Variants in ADK observed in about 807,000 individuals in gnomAD.
The protein encoded by ADK is adenosine kinase, also known as N6,N6-dimethyladenosine kinase.
A neutral mutation model predicts 44.7 loss-of-function variants in ADK; 24 were observed. The observed-to-expected ratio is 0.54, with a 90% CI of 0.39 to 0.76. The LOEUF (loss-of-function observed/expected upper bound fraction) is 0.76, where lower values mean the gene tolerates loss of function less well. Among genes scored for constraint, ADK ranks in the 30% least tolerant of loss-of-function variants. The pLI is 0.00. For missense variants in ADK, 321 were observed against 425.1 expected, an observed-to-expected ratio of 0.76 and a Z score of 2.15; for synonymous variants, 128 against 142.6, an observed-to-expected ratio of 0.90 and a Z score of 0.73.
intron 10 of ADK, among the ~76,000 whole-genome samples, chr10:74,703,198 C>T (rs1856492684): frequency 1.3e-5 from 2 of 152,000 alleles, no homozygotes; most frequent in Admixed American, 6.6e-5. Flanking sequence ...ATGGGATAAG[C>T]GCGTCAGACA....
intron 1 of ADK, chr10:74,176,880 C>T (rs1382169420): frequency 1.2e-6 from 2 of 1,609,916 alleles, no homozygotes; most frequent in African/African-American, 1.3e-5. Context: ...GCCATGACGT[C>T]AGTCAGGTAA....
intron 1 of ADK, among the ~76,000 whole-genome samples, chr10:74,185,867 A>C (rs1406814545): frequency 6.9e-6 from 1 of 145,898 alleles, no homozygotes; most frequent in East Asian, 2.1e-4. Flanking sequence ...AAAAAAAAAG[A>C]AACAGATCCT....
intron 7 of ADK, among the ~76,000 whole-genome samples, chr10:74,577,304 T>C (rs942097265): frequency 6.6e-6 from 1 of 152,126 alleles, no homozygotes; most frequent in African/African-American, 2.4e-5. Flanking sequence ...CCACTGGCCA[T>C]TGTGAAAAAT....
intron 3 of ADK, among the ~76,000 whole-genome samples, chr10:74,299,332 T>TAA (rs35091445): frequency 0.021 from 2,810 of 134,234 alleles, 65 homozygotes; most frequent in African/African-American, 0.052. Flanking sequence ...CATCTCTACT[T>TAA]AAAAAAAAAA....
intron 3 of ADK, among the ~76,000 whole-genome samples, chr10:74,253,769 T>TC (rs1294268956): frequency 2.0e-5 from 3 of 149,480 alleles, no homozygotes; most frequent in South Asian, 2.1e-4. Context: ...ACACTGCCTT[T>TC]TTTTTTTTTT....
At chr10:74,451,737 G>A (rs913921159) in intron 6 of ADK, among the ~76,000 whole-genome samples, 20 of 152,064 alleles carry the variant, frequency 1.3e-4, no homozygotes, top group African/African-American at 4.8e-4. Flanking sequence ...ATAAATGGAT[G>A]TAATTCATTC....
intron 4 of ADK, among the ~76,000 whole-genome samples, chr10:74,362,302 A>G (rs540646948): frequency 2.1e-5 from 3 of 146,186 alleles, no homozygotes; most frequent in Admixed American, 6.8e-5. Flanking sequence ...TTTTCTTTGA[A>G]CTCACTGATT....
chr10:74,668,104 T>C (rs905053777), intron 9 of ADK, among the ~76,000 whole-genome samples: 2 of 152,216 alleles, frequency 1.3e-5, no homozygotes, highest in African/African-American at 4.8e-5. Context: ...TAGTAATGGT[T>C]TCATTAACTT....
At chr10:74,444,301 T>TAGG (rs1845522171) in intron 6 of ADK, among the ~76,000 whole-genome samples, 1 of 152,170 alleles carries the variant, frequency 6.6e-6, no homozygotes, top group Non-Finnish European at 1.5e-5. Context: ...AAGAAAAGTC[T>TAGG]TTCCTAGGGC....
chr10:74,154,324 AGT>A (rs1318291866), intron 1 of ADK, among the ~76,000 whole-genome samples: 3 of 152,138 alleles, frequency 2.0e-5, no homozygotes, highest in African/African-American at 4.8e-5. Context: ...GTTGGAGTGC[AGT>A]GGCACCATCT....
chr10:74,267,790 G>GTGTCTGTC (rs1554835952), intron 3 of ADK, among the ~76,000 whole-genome samples: 11,911 of 145,350 alleles, frequency 0.082, 639 homozygotes, highest in Middle Eastern at 0.16. Context: ...GTGTGTGTGT[G>GTGTCTGTC]TGTCTGTCTG....
At chr10:74,635,133 G>C (rs1278076367) in intron 9 of ADK, among the ~76,000 whole-genome samples, 1 of 152,176 alleles carries the variant, frequency 6.6e-6, no homozygotes, top group Non-Finnish European at 1.5e-5. Context: ...TTACAGATTT[G>C]GGAAGCCCTG....
intron 6 of ADK, among the ~76,000 whole-genome samples, chr10:74,510,299 T>C (rs1003580491): frequency 6.6e-6 from 1 of 152,220 alleles, no homozygotes; most frequent in African/African-American, 2.4e-5. Flanking sequence ...TGATCTGCAT[T>C]TCTCTGATGA....
At chr10:74,353,177 TGATA>T (rs1842022415) in intron 4 of ADK, among the ~76,000 whole-genome samples, 1 of 152,000 alleles carries the variant, frequency 6.6e-6, no homozygotes, top group Non-Finnish European at 1.5e-5. Context: ...TGCCCGTCAA[TGATA>T]GATAGAGAAA....
At chr10:74,213,179 A>G (rs1041860356) in intron 2 of ADK, among the ~76,000 whole-genome samples, 1 of 152,022 alleles carries the variant, frequency 6.6e-6, no homozygotes, top group Non-Finnish European at 1.5e-5. Context: ...TGGTGCTGTC[A>G]TGCCTCCCTG....
chr10:74,389,850 C>A (rs999166866), intron 4 of ADK, among the ~76,000 whole-genome samples: 2 of 152,022 alleles, frequency 1.3e-5, no homozygotes, highest in Non-Finnish European at 2.9e-5. Flanking sequence ...TCATTTAAAT[C>A]CTGATTATGG....
chr10:74,587,388 G>T (rs1032578167), intron 7 of ADK, among the ~76,000 whole-genome samples: 3 of 152,176 alleles, frequency 2.0e-5, no homozygotes, highest in African/African-American at 4.8e-5. Context: ...AGTAAATAGC[G>T]TAAGGAGTTG....
chr10:74,448,498 A>G (rs571343533), intron 6 of ADK, among the ~76,000 whole-genome samples: 3 of 152,274 alleles, frequency 2.0e-5, no homozygotes, highest in East Asian at 1.9e-4. Context: ...CTTGTATATA[A>G]TAAGTATTTA....
At chr10:74,351,432 G>A (rs939169753) in intron 4 of ADK, among the ~76,000 whole-genome samples, 1 of 151,998 alleles carries the variant, frequency 6.6e-6, no homozygotes, top group East Asian at 1.9e-4. Context: ...AAATATAAGG[G>A]CTATTTATGA....
Sources: gnomAD v4.1 joint callset for allele counts (sites outside exome capture counted in the v4.1 genomes callset) on GRCh38, gnomAD v4.1.1 for gene constraint, MANE v1.5 for transcripts, NCBI Gene and HGNC (gene_info 2026-07-23, HGNC 2026-07-21) for gene names.